Variants in DYDC1 observed in about 807,000 individuals in gnomAD.
DYDC1 encodes the protein DPY30 domain containing 1, also known as DPY30 domain-containing protein 1.
Under a neutral mutation model 27.9 loss-of-function variants are expected in DYDC1, and 21 were observed. That is an observed-to-expected ratio of 0.75 (90% confidence interval 0.53 to 1.08). The LOEUF is 1.08. Among genes scored for constraint, DYDC1 ranks in the 50% least tolerant of loss-of-function variants. The probability of loss-of-function intolerance (pLI) is 0.00; values close to 1 mark genes in which losing one functional copy is unlikely to be tolerated. For missense variants in DYDC1, 202 were observed against 205.9 expected (o/e 0.98, Z 0.12); for synonymous variants, 67 against 65.8 (o/e 1.02, Z -0.09).
At chr10:80,337,711 G>A (rs1269018702) in intron 6 of DYDC1, among the ~76,000 whole-genome samples, 1 of 152,080 alleles carries the variant, frequency 6.6e-6, no homozygotes, top group Non-Finnish European at 1.5e-5. Context: ...TCTCTGCCTG[G>A]AGCACTATCC....
chr10:80,343,545 G>T (rs1003015437), intron 3 of DYDC1, among the ~76,000 whole-genome samples: 1 of 152,066 alleles, frequency 6.6e-6, no homozygotes, highest in Non-Finnish European at 1.5e-5. Context: ...AGCGAGGCAG[G>T]AGGATTACTT....
chr10:80,347,108 CTAAT>C (rs1342740567), intron 3 of DYDC1, among the ~76,000 whole-genome samples: 1 of 151,636 alleles, frequency 6.6e-6, no homozygotes, highest in Non-Finnish European at 1.5e-5. Flanking sequence ...AGCAGCCATC[CTAAT>C]AGGGGCGAGG....
intron 6 of DYDC1, chr10:80,337,399 C>T (rs1199173500): frequency 1.0e-6 from 1 of 985,344 alleles, no homozygotes; most frequent in East Asian, 1.1e-4. Context: ...CTGAACAGCT[C>T]TTGAAAACAA....
At chr10:80,339,383 GT>G (rs1205251267) in intron 4 of DYDC1, among the ~76,000 whole-genome samples, 3 of 152,074 alleles carry the variant, frequency 2.0e-5, no homozygotes, top group African/African-American at 4.8e-5. Context: ...TTAAATAAAA[GT>G]TTTTTAAAAA....
At chr10:80,351,188 G>A (rs1842952700) in intron 3 of DYDC1, among the ~76,000 whole-genome samples, 2 of 152,092 alleles carry the variant, frequency 1.3e-5, no homozygotes, top group South Asian at 2.1e-4. Flanking sequence ...ACTTCATAAA[G>A]AAGACAGAAA....
intron 6 of DYDC1, chr10:80,337,185 T>A (rs1842159465): frequency 2.0e-6 from 2 of 985,466 alleles, no homozygotes; most frequent in Non-Finnish European, 2.4e-6. Context: ...CTTCACCTCC[T>A]GAGGAAGACT....
chr10:80,339,292 T>G (rs569241012), intron 4 of DYDC1, 139 bp from the exon 5 acceptor site: 1 of 373,904 alleles, frequency 2.7e-6, no homozygotes, highest in East Asian at 4.3e-5. Context: ...GAGAATGATC[T>G]GATTACACAT....
chr10:80,346,444 C>G (rs372058010), intron 3 of DYDC1, among the ~76,000 whole-genome samples: 2 of 83,360 alleles, frequency 2.4e-5, no homozygotes, highest in Admixed American at 3.3e-4. Context: ...TCTTCCCTTT[C>G]TTTTTTTTTT....
At chr10:80,339,791 A>G (rs1842259302) in intron 4 of DYDC1, among the ~76,000 whole-genome samples, 1 of 152,174 alleles carries the variant, frequency 6.6e-6, no homozygotes, top group Non-Finnish European at 1.5e-5. Context: ...AAGACCAGTG[A>G]TTTCTTGATC....
At position 80,352,629 on chromosome 10, in the gene DYDC1, T is replaced by G. The variant is rs750044545; in HGVS notation, c.-9-19A>C. The G allele has an allele frequency of 3.1e-6, 5 of 1,592,916 alleles. No homozygotes were observed. Among genetic ancestry groups the G allele is most frequent in the African/African-American group, 2.7e-5 (2 of 73,608 alleles). ...CTAACTCCTAAAAAGTAAGTGTTTT[T>G]GCATTACTGCAGGATATTTTCAATA... On this transcript the variant is annotated intron_variant, in intron 1 of 6. Transcript: ENST00000372202.
At chr10:80,337,241 G>C (rs1340382) in intron 6 of DYDC1, 670,642 of 985,332 alleles carry the variant, frequency 0.68, 231,021 homozygotes, top group East Asian at 0.97. Context: ...CCTCAAAGAA[G>C]CTTCCCCATT....
intron 4 of DYDC1, among the ~76,000 whole-genome samples, chr10:80,341,626 T>C (rs562209744): frequency 5.3e-5 from 8 of 152,082 alleles, no homozygotes; most frequent in Non-Finnish European, 1.0e-4. Context: ...CTACTGTAAC[T>C]AGGAACAGCT....
At chr10:80,344,493 C>T (rs1176924523) in intron 3 of DYDC1, among the ~76,000 whole-genome samples, 1 of 152,160 alleles carries the variant, frequency 6.6e-6, no homozygotes, top group Non-Finnish European at 1.5e-5. Context: ...AGGGTCAATG[C>T]TGAGTTTGAA....
At chr10:80,349,193 C>G (rs1404693073) in intron 3 of DYDC1, among the ~76,000 whole-genome samples, 3 of 152,156 alleles carry the variant, frequency 2.0e-5, no homozygotes, top group African/African-American at 7.2e-5. Flanking sequence ...GCCCGGCCCG[C>G]AGATAAATAT....
Position 80,354,121 on chromosome 10 carries a change from T to TAAA in DYDC1, c.-9-1514_-9-1512dup, listed in dbSNP as rs373127565. On this transcript the variant is annotated intron_variant, in intron 1 of 6. Coordinates refer to ENST00000372202, the MANE Select transcript of DYDC1 (RefSeq NM_001269053.2). ...ACAGAGTGAGACTCTGTCTCATATA[T>TAAA]AAAAAAAAATATATATATATATATT... Among the ~76,000 whole-genome samples the TAAA allele has an allele frequency of 9.0e-5, 13 of 144,034 alleles. No individual in the cohort carries two copies. The South Asian group carries it at 1.3e-3, about 15-fold the overall frequency. The allele number at this position is 144,034 out of a possible 152,430, so 94.5% of individuals were successfully genotyped here. A position where few individuals can be genotyped will look rare whatever the true frequency, so the allele number is the denominator to read the frequency against.
At chr10:80,342,991 A>T (rs1589502041) in intron 3 of DYDC1, among the ~76,000 whole-genome samples, 3 of 151,096 alleles carry the variant, frequency 2.0e-5, no homozygotes, top group African/African-American at 7.3e-5. Context: ...AAAAAAAAAA[A>T]AAAAAAAGAA....
rs1554846405 is a variant in DYDC1 at position 80,354,129 on chromosome 10, A to ATAT, written c.-9-1520_-9-1519insATA. On this transcript the variant is annotated intron_variant, in intron 1 of 6. Coordinates refer to ENST00000372202, the MANE Select transcript of DYDC1 (RefSeq NM_001269053.2). ...AGACTCTGTCTCATATATAAAAAAA[A>ATAT]ATATATATATATATATTTTTTCCTG... Among the ~76,000 whole-genome samples, 4 of 147,674 alleles carry ATAT rather than the reference A, an allele frequency of 2.7e-5. No homozygotes were observed. In the South Asian group the frequency reaches 6.4e-4, roughly 24 times the overall value.
chr10:80,352,352 T>C (rs921924683), intron 2 of DYDC1, 103 bp downstream of exon 2: 1 of 1,352,100 alleles, frequency 7.4e-7, no homozygotes, highest in Non-Finnish European at 9.6e-7. Flanking sequence ...ATAATAAACA[T>C]TATTTTTATA....
intron 3 of DYDC1, among the ~76,000 whole-genome samples, chr10:80,345,986 T>A (rs888422121): frequency 5.9e-5 from 9 of 152,226 alleles, no homozygotes; most frequent in African/African-American, 2.2e-4. Context: ...GGACCACAGG[T>A]GCATGCCATC....
Sources: gnomAD v4.1 joint callset for allele counts (sites outside exome capture counted in the v4.1 genomes callset) on GRCh38, gnomAD v4.1.1 for gene constraint, MANE v1.5 for transcripts, NCBI Gene and HGNC (gene_info 2026-07-23, HGNC 2026-07-21) for gene names.